Variants in SNTB1 observed in about 807,000 individuals in gnomAD.
SNTB1 encodes the protein syntrophin beta 1.
SNTB1 carries 36 observed loss-of-function variants against 48.9 expected under a neutral mutation model. The observed-to-expected ratio is 0.74, with a 90% CI of 0.56 to 0.97. The LOEUF (loss-of-function observed/expected upper bound fraction) is 0.97. Ranked by LOEUF, SNTB1 falls within the 50% of genes least tolerant of loss-of-function variation. The probability of loss-of-function intolerance (pLI) is 0.00; values close to 1 mark genes in which losing one functional copy is unlikely to be tolerated. For missense variants in SNTB1, 786 were observed against 703.4 expected (o/e 1.12, Z -1.33); for synonymous variants, 299 against 294.6 (o/e 1.01, Z -0.15).
At chr8:120,759,573 G>A (rs1426099186) in intron 1 of SNTB1, among the ~76,000 whole-genome samples, 10 of 152,270 alleles carry the variant, frequency 6.6e-5, no homozygotes, top group South Asian at 2.1e-4. Context: ...GGAAGGATTG[G>A]AGCTGAAACT....
rs145506195 is a variant in SNTB1, at chr8:120,612,087, T to C, written c.996+20357A>G. 5.8e-3 allele frequency among the ~76,000 whole-genome samples: 880 copies of C among 152,274 alleles called. 8 individuals are homozygous for C. Among genetic ancestry groups the C allele is most frequent in the South Asian group, 0.031 (149 of 4,816 alleles). ...GTACATCATGGTGCCTGCAATTAGC[T>C]GCTAAAATTTAACACTGGCACTGAA... On this transcript the variant is annotated intron_variant, in intron 3 of 6. Coordinates refer to ENST00000517992, the MANE Select transcript of SNTB1 (RefSeq NM_021021.4).
chr8:120,695,596 A>G (rs1818198680), intron 1 of SNTB1, among the ~76,000 whole-genome samples: 1 of 152,220 alleles, frequency 6.6e-6, no homozygotes, highest in African/African-American at 2.4e-5. Context: ...GCTATGTTTT[A>G]TAAAAGGAAT....
chr8:120,735,785 G>A (rs1300975569), intron 1 of SNTB1, among the ~76,000 whole-genome samples: 1 of 152,140 alleles, frequency 6.6e-6, no homozygotes, highest in Admixed American at 6.5e-5. Flanking sequence ...AATACACCAG[G>A]GAACAAATGA....
In SNTB1 at chr8:120,714,412, G is replaced by A. The variant is rs1818521347; in HGVS notation, c.572-20504C>T. Among the ~76,000 whole-genome samples, 3 of 152,022 alleles carry A rather than the reference G, an allele frequency of 2.0e-5. No homozygotes were observed. In the South Asian group the frequency reaches 6.2e-4, roughly 32 times the overall value. On this transcript the variant is annotated intron_variant, in intron 1 of 6. Coordinates refer to ENST00000517992, the MANE Select transcript of SNTB1 (RefSeq NM_021021.4). Reference sequence around the variant, plus strand: ...TAGGATACAAATACTCCATTTCACAGAAGGTGATTTGGCCACAAAAAATAA... The same window carrying A: ...TAGGATACAAATACTCCATTTCACAAAAGGTGATTTGGCCACAAAAAATAA...
intron 2 of SNTB1, among the ~76,000 whole-genome samples, chr8:120,648,776 C>G (rs1304162440): frequency 6.6e-6 from 1 of 152,166 alleles, no homozygotes; most frequent in Non-Finnish European, 1.5e-5. Context: ...CAACTTGGTT[C>G]CATTCTCCCC....
chr8:120,736,613 T>C (rs1818948679), intron 1 of SNTB1, among the ~76,000 whole-genome samples: 1 of 152,154 alleles, frequency 6.6e-6, no homozygotes. Flanking sequence ...GCTTCACAAA[T>C]ACCTTCAACT....
chr8:120,802,931 G>C (rs1305292372), intron 1 of SNTB1, among the ~76,000 whole-genome samples: 1 of 151,992 alleles, frequency 6.6e-6, no homozygotes, highest in Non-Finnish European at 1.5e-5. Context: ...AAATGGAATA[G>C]GAATTGAAGC....
At chr8:120,677,842 A>C (rs2129807507) in intron 2 of SNTB1, among the ~76,000 whole-genome samples, 1 of 152,348 alleles carries the variant, frequency 6.6e-6, no homozygotes, top group East Asian at 1.9e-4. Flanking sequence ...GCCTGGTCTG[A>C]AAGTCAATTA....
At chr8:120,620,447 A>G (rs1816775812) in intron 3 of SNTB1, among the ~76,000 whole-genome samples, 1 of 152,172 alleles carries the variant, frequency 6.6e-6, no homozygotes, top group Non-Finnish European at 1.5e-5. Flanking sequence ...GTAGGTCTCC[A>G]TGCAAAGCCC....
At chr8:120,753,669 AGAT>A (rs1350296354) in intron 1 of SNTB1, among the ~76,000 whole-genome samples, 10 of 152,300 alleles carry the variant, frequency 6.6e-5, no homozygotes, top group Admixed American at 6.5e-5. Flanking sequence ...GAGTAGCAGC[AGAT>A]AAGATCAGAG....
intron 1 of SNTB1, among the ~76,000 whole-genome samples, chr8:120,709,498 T>A (rs1043516760): frequency 6.6e-6 from 1 of 152,180 alleles, no homozygotes; most frequent in African/African-American, 2.4e-5. Flanking sequence ...AGGAGATGTT[T>A]CATGACAATT....
At chr8:120,773,240 G>A (rs184689668) in intron 1 of SNTB1, among the ~76,000 whole-genome samples, 135 of 152,270 alleles carry the variant, frequency 8.9e-4, no homozygotes, top group Non-Finnish European at 1.5e-3. Flanking sequence ...GATTGAGGCC[G>A]GGCATGATGG....
intron 5 of SNTB1, among the ~76,000 whole-genome samples, chr8:120,548,283 C>T (rs1433969288): frequency 1.3e-5 from 2 of 152,124 alleles, no homozygotes; most frequent in South Asian, 2.1e-4. Context: ...CCAAAGTAAA[C>T]CTCTTTTCTT....
At chr8:120,653,835 C>T (rs1022457547) in intron 2 of SNTB1, among the ~76,000 whole-genome samples, 5 of 151,478 alleles carry the variant, frequency 3.3e-5, no homozygotes, top group Non-Finnish European at 5.9e-5. Context: ...GTCAGGAGAT[C>T]GAGACCATCC....
chr8:120,616,218 C>A (rs969043650), intron 3 of SNTB1, among the ~76,000 whole-genome samples: 2 of 151,894 alleles, frequency 1.3e-5, no homozygotes, highest in Non-Finnish European at 2.9e-5. Context: ...TAAGGGTGGA[C>A]CAATGAGGAA....
At chr8:120,615,915 C>T (rs555979723) in intron 3 of SNTB1, among the ~76,000 whole-genome samples, 1 of 152,038 alleles carries the variant, frequency 6.6e-6, no homozygotes, top group East Asian at 1.9e-4. Context: ...CTCCCTTTAT[C>T]TTTTCTTCTT....
At chr8:120,784,907 C>T (rs1298507746) in intron 1 of SNTB1, among the ~76,000 whole-genome samples, 1 of 152,148 alleles carries the variant, frequency 6.6e-6, no homozygotes, top group African/African-American at 2.4e-5. Flanking sequence ...GAGAGACTGC[C>T]TCTATGACAC....
At chr8:120,654,071 A>AAAAAG (rs1817457552) in intron 2 of SNTB1, among the ~76,000 whole-genome samples, 1 of 144,014 alleles carries the variant, frequency 6.9e-6, no homozygotes, top group African/African-American at 2.6e-5. Context: ...AAAAAAAAAA[A>AAAAAG]GTTGTCTTCT....
At chr8:120,750,142 A>C (rs13255191) in intron 1 of SNTB1, among the ~76,000 whole-genome samples, 146,777 of 146,806 alleles carry the variant, frequency 1, 73,374 homozygotes, top group Middle Eastern at 1. Flanking sequence ...CTCCTTCCCT[A>C]CGTCCCTCCT....
Sources: gnomAD v4.1 joint callset for allele counts (sites outside exome capture counted in the v4.1 genomes callset) on GRCh38, gnomAD v4.1.1 for gene constraint, MANE v1.5 for transcripts, NCBI Gene and HGNC (gene_info 2026-07-23, HGNC 2026-07-21) for gene names.